GPC6: variants seen among roughly 807,000 people sequenced by gnomAD.
The protein encoded by GPC6 is glypican 6.
GPC6 carries 14 observed loss-of-function variants against 55.2 expected under a neutral mutation model. The observed-to-expected ratio is 0.25, with a 90% CI of 0.17 to 0.40. The LOEUF is 0.40. Ranked by LOEUF, GPC6 falls within the 10% of genes least tolerant of loss-of-function variation. The pLI is 1.00. For missense variants in GPC6, 641 were observed against 708.5 expected (o/e 0.90, Z 1.08); for synonymous variants, 278 against 259.6 (o/e 1.07, Z -0.68).
intron 1 of GPC6, among the ~76,000 whole-genome samples, chr13:93,541,736 G>T (rs1246034161): frequency 4.1e-5 from 6 of 147,614 alleles, no homozygotes; most frequent in African/African-American, 1.5e-4. Flanking sequence ...CTGTGAGATG[G>T]TATCTCATTG....
At chr13:93,290,713 T>A (rs1878291088) in intron 1 of GPC6, among the ~76,000 whole-genome samples, 1 of 152,040 alleles carries the variant, frequency 6.6e-6, no homozygotes, top group South Asian at 2.1e-4. Context: ...CTTTGATGAG[T>A]CATTTGTTCC....
chr13:93,825,914 G>T, intron 2 of GPC6, among the ~76,000 whole-genome samples: 1 of 137,768 alleles, frequency 7.3e-6, no homozygotes, highest in East Asian at 2.2e-4. Flanking sequence ...AGGCTGAAGT[G>T]CAGCAGTAGG....
chr13:93,421,504 A>G (rs892996426), intron 1 of GPC6, among the ~76,000 whole-genome samples: 1 of 152,220 alleles, frequency 6.6e-6, no homozygotes, highest in Non-Finnish European at 1.5e-5. Context: ...TTAGAGGCAG[A>G]TAAAATATCT....
chr13:93,967,216 C>G (rs750056958), intron 3 of GPC6, among the ~76,000 whole-genome samples: 12 of 152,194 alleles, frequency 7.9e-5, no homozygotes, highest in Non-Finnish European at 1.3e-4. Context: ...GCTAAGGGGA[C>G]TGAGATGTGT....
intron 4 of GPC6, among the ~76,000 whole-genome samples, chr13:94,185,273 A>G (rs1414916354): frequency 1.1e-4 from 16 of 151,832 alleles, no homozygotes; most frequent in African/African-American, 3.9e-4. Context: ...AAAAAAAAAA[A>G]AAGAAGCCAT....
chr13:93,747,041 G>A (rs1884421609), intron 2 of GPC6, among the ~76,000 whole-genome samples: 1 of 152,142 alleles, frequency 6.6e-6, no homozygotes, highest in Admixed American at 6.6e-5. Context: ...TATTACTTGA[G>A]GAACAGCTCG....
chr13:94,105,011 C>G (rs1594739637), intron 4 of GPC6, among the ~76,000 whole-genome samples: 1 of 152,256 alleles, frequency 6.6e-6, no homozygotes, highest in South Asian at 2.1e-4. Context: ...ATTGCCAACA[C>G]AATCCTAAGC....
At chr13:93,223,453 GT>G, upstream of GPC6, among the ~76,000 whole-genome samples, 1 of 151,694 alleles carries the variant, frequency 6.6e-6, no homozygotes, top group African/African-American at 2.4e-5. Context: ...TGTTTGTTTT[GT>G]TTTTTTTGAG....
At chr13:93,727,691 A>C (rs1883690713) in intron 2 of GPC6, among the ~76,000 whole-genome samples, 1 of 152,128 alleles carries the variant, frequency 6.6e-6, no homozygotes, top group South Asian at 2.1e-4. Flanking sequence ...ATTCCAATAA[A>C]ATTTTATTTA....
rs774903166 is a variant in GPC6 at position 93,833,734 on chromosome 13, T to C, written c.711+3189T>C. Among the ~76,000 whole-genome samples, 4 of 152,316 alleles carry C rather than the reference T, an allele frequency of 2.6e-5. No homozygotes were observed. In the South Asian group the frequency reaches 6.2e-4, roughly 24 times the overall value. On this transcript the variant is annotated intron_variant, in intron 3 of 8. Coordinates refer to ENST00000377047, the MANE Select transcript of GPC6 (RefSeq NM_005708.5). ...TTTTGACATAATGTTCAGAACATTA[T>C]TGGGAAATTTCTTACCAGAAAAATG...
chr13:93,344,401 C>G (rs147952592), intron 1 of GPC6, among the ~76,000 whole-genome samples: 8 of 152,160 alleles, frequency 5.3e-5, no homozygotes, highest in Non-Finnish European at 1.2e-4. Context: ...TTTGAATTCT[C>G]CAAAACCTGT....
intron 4 of GPC6, among the ~76,000 whole-genome samples, chr13:94,224,992 T>C (rs1890502464): frequency 6.6e-6 from 1 of 152,102 alleles, no homozygotes; most frequent in African/African-American, 2.4e-5. Flanking sequence ...TGTTTAAATT[T>C]TCCATAGAAA....
At chr13:93,254,024 C>T (rs927153011) in intron 1 of GPC6, among the ~76,000 whole-genome samples, 5 of 152,202 alleles carry the variant, frequency 3.3e-5, no homozygotes, top group Admixed American at 6.5e-5. Flanking sequence ...AGTATATGAT[C>T]GTGCTGTGTA....
intron 6 of GPC6, among the ~76,000 whole-genome samples, chr13:94,327,597 C>CT (rs1335373529): frequency 6.6e-6 from 1 of 152,210 alleles, no homozygotes; most frequent in African/African-American, 2.4e-5. Context: ...GAAACTGACA[C>CT]TTTACTCTGA....
chr13:93,651,462 A>G (rs1208369497), intron 2 of GPC6, among the ~76,000 whole-genome samples: 1 of 152,144 alleles, frequency 6.6e-6, no homozygotes, highest in African/African-American at 2.4e-5. Context: ...AGCGACTTAC[A>G]TGTCACCTTT....
intron 4 of GPC6, among the ~76,000 whole-genome samples, chr13:94,042,991 A>T (rs901071681): frequency 6.6e-6 from 1 of 151,838 alleles, no homozygotes; most frequent in African/African-American, 2.4e-5. Flanking sequence ...TAATCCAATA[A>T]TGTCATTATT....
intron 2 of GPC6, among the ~76,000 whole-genome samples, chr13:93,709,229 G>C (rs991331325): frequency 6.6e-5 from 10 of 151,722 alleles, no homozygotes; most frequent in Non-Finnish European, 1.2e-4. Context: ...AAAGTTTCAT[G>C]GATAGATGAA....
At chr13:93,590,190 T>C (rs1409823053) in intron 2 of GPC6, among the ~76,000 whole-genome samples, 3 of 152,226 alleles carry the variant, frequency 2.0e-5, no homozygotes, top group African/African-American at 4.8e-5. Flanking sequence ...AGTAAAGAGA[T>C]AGGAGTTTGC....
rs116111913 is a variant in GPC6, at chr13:93,619,699, A to G, written c.319+74278A>G. Among the ~76,000 whole-genome samples, 989 of 152,192 alleles carry G rather than the reference A, an allele frequency of 6.5e-3. 18 individuals carry two copies. The highest frequency in any genetic ancestry group is 0.022 in the African/African-American group (932 of 41,548). On this transcript the variant is annotated intron_variant, in intron 2 of 8. Coordinates refer to ENST00000377047, the MANE Select transcript of GPC6 (RefSeq NM_005708.5). Reference sequence around the variant, plus strand: ...GAACACCTGTGTTCCACCCTCCTCAAACTCCCAAAGTGCTTGGATTATAGG... The same window carrying G: ...GAACACCTGTGTTCCACCCTCCTCAGACTCCCAAAGTGCTTGGATTATAGG...
Sources: allele counts gnomAD v4.1 joint callset (sites outside exome capture counted in the v4.1 genomes callset), GRCh38; gene constraint gnomAD v4.1.1; transcripts MANE v1.5; gene names NCBI Gene and HGNC (gene_info 2026-07-23, HGNC 2026-07-21).